Variants in NACC2 observed in about 807,000 individuals in gnomAD.
The protein encoded by NACC2 is NACC family member 2.
NACC2 carries 8 observed loss-of-function variants against 25.1 expected under a neutral mutation model. The ratio of observed to expected loss-of-function variants is 0.32; its 90% CI spans 0.19 to 0.57. The LOEUF (loss-of-function observed/expected upper bound fraction) is 0.57. Among genes scored for constraint, NACC2 ranks in the 20% least tolerant of loss-of-function variants. The pLI, the probability that NACC2 is intolerant of heterozygous loss-of-function variation, is 0.89. For missense variants in NACC2, 644 were observed against 650.2 expected (o/e 0.99, Z 0.10); for synonymous variants, 435 against 294.7 (o/e 1.48, Z -4.88).
In NACC2 at chr9:136,084,484, G is replaced by T. The variant is rs1830356896; in HGVS notation, c.-60+10705C>A. On this transcript the variant is annotated intron_variant, in intron 1 of 5. Transcript: ENST00000277554. This position sits in a 1 kb window ranked among gnomAD's most constrained non-coding sequence, Gnocchi z 5.1. ...TGCCCAAGACGCCAATCACCAGGAG[G>T]CCACAGACAAACCTACCTCGAGGGT... 6.6e-6 allele frequency among the ~76,000 whole-genome samples: 1 copy of T among 152,150 alleles called. No individual in the cohort carries two copies. The highest frequency in any genetic ancestry group is 2.1e-4 in the South Asian group (1 of 4,828).
In NACC2 at chr9:136,087,879, G is replaced by A. The variant is rs542371722; in HGVS notation, c.-60+7310C>T. The stretch of plus-strand genomic sequence containing the variant: ...GCTCGAGGGAGGGCAAGCCCTCCCC[G>A]TCCCTTGTCTGCTGCCCAAGGCCGG... On this transcript the variant is annotated intron_variant, in intron 1 of 5. Coordinates refer to ENST00000277554, the MANE Select transcript of NACC2 (RefSeq NM_144653.5). Among the ~76,000 whole-genome samples the A allele has an allele frequency of 1.5e-4, 23 of 152,276 alleles. No homozygotes were observed. In the East Asian group the frequency reaches 1.5e-3, roughly 10 times the overall value.
At chr9:136,044,359 T>C (rs1840687685) in intron 2 of NACC2, among the ~76,000 whole-genome samples, 1 of 152,040 alleles carries the variant, frequency 6.6e-6, no homozygotes, top group South Asian at 2.1e-4. Flanking sequence ...TATAAATAAT[T>C]ACAAAATTAG....
In NACC2 at chr9:136,020,208, G is replaced by A. The variant is rs1840270301; in HGVS notation, c.887-3779C>T. ...AGAAAGAACAAATGAACGAACGTCA[G>A]AAGGAGGGGGCCATGCAGGTCTGGA... On this transcript the variant is annotated intron_variant, in intron 2 of 5. Coordinates refer to ENST00000277554, the MANE Select transcript of NACC2 (RefSeq NM_144653.5). This position sits in a 1 kb window ranked among gnomAD's most constrained non-coding sequence, Gnocchi z 4.7. 6.6e-6 allele frequency among the ~76,000 whole-genome samples: 1 copy of A among 152,328 alleles called. No individual in the cohort carries two copies. The highest frequency in any genetic ancestry group is 2.1e-4 in the South Asian group (1 of 4,826).
chr9:136,034,192 G>A (rs1166208547), intron 2 of NACC2, among the ~76,000 whole-genome samples: 1 of 152,076 alleles, frequency 6.6e-6, no homozygotes. Context: ...GGCCAGCGGC[G>A]GAAAAGACCT....
intron 1 of NACC2, among the ~76,000 whole-genome samples, chr9:136,089,099 C>T (rs1264976420): frequency 6.6e-6 from 1 of 152,238 alleles, no homozygotes; most frequent in Admixed American, 6.5e-5. Flanking sequence ...CTGCCAACCA[C>T]CTGACCAGCT....
chr9:136,033,898 T>G (rs1276688447), intron 2 of NACC2, among the ~76,000 whole-genome samples: 1 of 89,602 alleles, frequency 1.1e-5, no homozygotes, highest in African/African-American at 4.4e-5. Flanking sequence ...CCAGCAGGTG[T>G]GTGTGTGTGT....
At chr9:136,065,809 T>C (rs1588577567) in intron 1 of NACC2, among the ~76,000 whole-genome samples, 1 of 115,638 alleles carries the variant, frequency 8.6e-6, no homozygotes, top group African/African-American at 3.1e-5. Flanking sequence ...AGACCCTGTC[T>C]CCAAAAAAAA....
At position 136,049,814 on chromosome 9, in the gene NACC2, G is replaced by A; in HGVS notation, c.708C>T (p.Ile236=). ...VPSLATLIPG[I]QQMPYPQGER... is the part of the protein sequence containing the mutation. ...CCCCCTGGGGGTAGGGCATCTGCTG[G>A]ATGCCGGGGATGAGGGTGGCCAGGC... is the stretch of plus-strand genomic sequence containing the variant. Residue 236 remains isoleucine, a synonymous_variant, in exon 2 of 6, where the codon ATC becomes ATT. Transcript: ENST00000277554. The A allele has an allele frequency of 1.3e-6, 1 of 740,810 alleles. No homozygotes were observed. The highest frequency in any genetic ancestry group is 2.5e-6 in the Non-Finnish European group (1 of 397,518). The allele number at this position is 740,810 out of a possible 1,614,324, so 45.9% of individuals were successfully genotyped here. A position where few individuals can be genotyped will look rare whatever the true frequency, so the allele number is the denominator to read the frequency against.
intron 2 of NACC2, among the ~76,000 whole-genome samples, chr9:136,046,039 C>T (rs941395747): frequency 1.3e-5 from 2 of 152,156 alleles, no homozygotes; most frequent in East Asian, 1.9e-4. Context: ...GGAATGAAGG[C>T]GGGTACGCGA....
rs2131137747 is a variant in NACC2 at position 136,020,171 on chromosome 9, A to G, written c.887-3742T>C. 6.6e-6 allele frequency among the ~76,000 whole-genome samples: 1 copy of G among 152,320 alleles called. No individual in the cohort carries two copies. Among genetic ancestry groups the G allele is most frequent in the South Asian group, 2.1e-4 (1 of 4,822 alleles). On this transcript the variant is annotated intron_variant, in intron 2 of 5. Transcript: ENST00000277554. The surrounding 1 kb of genome is among the most constrained non-coding windows in gnomAD (Gnocchi z 4.7). Reference sequence around the variant, plus strand: ...CCCCTCTCACGTCCACTTTACCACAATAACAACGCTCAGAAAGAACAAATG... The same window carrying G: ...CCCCTCTCACGTCCACTTTACCACAGTAACAACGCTCAGAAAGAACAAATG...
intron 2 of NACC2, among the ~76,000 whole-genome samples, chr9:136,046,221 G>C (rs1177927935): frequency 6.6e-6 from 1 of 151,808 alleles, no homozygotes; most frequent in African/African-American, 2.4e-5. Flanking sequence ...GCGGAGGCAG[G>C]CATTTCGCAA....
chr9:136,011,585 G>A lies in NACC2; in HGVS notation c.1695C>T (p.Gly565=). 7.1e-7 allele frequency: 1 copy of A among 1,401,952 alleles called. No homozygotes were observed. 86.8% of individuals were successfully genotyped at this position (1,401,952 alleles called of 1,614,324 possible). A position where few individuals can be genotyped will look rare whatever the true frequency, so the allele number is the denominator to read the frequency against. ...PPQPFEQGGG[G]PSRPQTPAAA... ...CCGCCGGCGTCTGGGGCCTGCTGGG[G>A]CCGCCCCCGCCCTGCTCAAAGGGCT... The change falls in exon 6 of 6, where the codon GGC becomes GGT. Residue 565 remains glycine (G), a synonymous_variant. Transcript: ENST00000277554.
At chr9:136,069,857 A>C (rs113522629) in intron 1 of NACC2, among the ~76,000 whole-genome samples, 10 of 152,000 alleles carry the variant, frequency 6.6e-5, no homozygotes, top group African/African-American at 2.4e-4. Flanking sequence ...ACAAACCCAC[A>C]ATTCTAGTAG....
rs545713309 is a variant in NACC2, at chr9:136,020,144, G to A, written c.887-3715C>T. ...CCACGCACGTAAAAGTCACTGCAAC[G>A]GCCCCTCTCACGTCCACTTTACCAC... On this transcript the variant is annotated intron_variant, in intron 2 of 5. Transcript: ENST00000277554. This position sits in a 1 kb window ranked among gnomAD's most constrained non-coding sequence, Gnocchi z 4.7. Among the ~76,000 whole-genome samples, 8 of 152,240 alleles carry A rather than the reference G, an allele frequency of 5.3e-5. No individual in the cohort carries two copies. The highest frequency in any genetic ancestry group is 1.9e-4 in the East Asian group (1 of 5,180).
chr9:136,060,788 C>T (rs1188482630), intron 1 of NACC2, among the ~76,000 whole-genome samples: 4 of 152,248 alleles, frequency 2.6e-5, no homozygotes, highest in East Asian at 1.9e-4. Flanking sequence ...ACCAGCCTGC[C>T]GGTCTCCAGG....
Position 136,084,646 on chromosome 9 carries a change from T to C in NACC2, c.-60+10543A>G, listed in dbSNP as rs990251714. ...CAAACAGACGCGCACGCCACGTCCA[T>C]AGCGGCAGCACCAGACAGCCAAGAG... is the stretch of plus-strand genomic sequence containing the variant. On this transcript the variant is annotated intron_variant, in intron 1 of 5. Coordinates refer to ENST00000277554, the MANE Select transcript of NACC2 (RefSeq NM_144653.5). This position sits in a 1 kb window ranked among gnomAD's most constrained non-coding sequence, Gnocchi z 5.1. Among the ~76,000 whole-genome samples, 2 of 152,284 alleles carry C rather than the reference T, an allele frequency of 1.3e-5. No homozygotes were observed. The highest frequency in any genetic ancestry group is 2.1e-4 in the South Asian group (1 of 4,824).
rs76632018 is a variant in NACC2 at position 136,086,075 on chromosome 9, G to A, written c.-60+9114C>T. 0.041 allele frequency among the ~76,000 whole-genome samples: 6,311 copies of A among 152,294 alleles called. 179 individuals carry two copies. Among genetic ancestry groups the A allele is most frequent in the East Asian group, 0.14 (709 of 5,162 alleles). ...GGGCGCCACGCAGGGCAGCTCCGAC[G>A]GGCAGGAGCCGCCTCCAGGCCCTTC... On this transcript the variant is annotated intron_variant, in intron 1 of 5. Coordinates refer to ENST00000277554, the MANE Select transcript of NACC2 (RefSeq NM_144653.5). The surrounding 1 kb of genome is among the most constrained non-coding windows in gnomAD (Gnocchi z 5.6).
In NACC2 at chr9:136,055,595, G is replaced by A. The variant is rs932780409; in HGVS notation, c.-59-5015C>T. The stretch of plus-strand genomic sequence containing the variant: ...CCAGCACAGCAAACCAGAGGAATGC[G>A]GCACTGAATTTCTGCAGGATCACCA... On this transcript the variant is annotated intron_variant, in intron 1 of 5. Coordinates refer to ENST00000277554, the MANE Select transcript of NACC2 (RefSeq NM_144653.5). The surrounding 1 kb of genome is among the most constrained non-coding windows in gnomAD (Gnocchi z 4.9). Among the ~76,000 whole-genome samples, 1 of 152,182 alleles carries A rather than the reference G, an allele frequency of 6.6e-6. No homozygotes were observed. Among genetic ancestry groups the A allele is most frequent in the African/African-American group, 2.4e-5 (1 of 41,440 alleles).
intron 1 of NACC2, among the ~76,000 whole-genome samples, chr9:136,078,667 G>A (rs1024834970): frequency 4.6e-5 from 7 of 152,224 alleles, no homozygotes; most frequent in East Asian, 3.8e-4. Flanking sequence ...AGAAAGGGGC[G>A]TGGGAATGGC....
Sources: gnomAD v4.1 joint callset for allele counts (sites outside exome capture counted in the v4.1 genomes callset) on GRCh38, gnomAD v4.1.1 for gene constraint, Gnocchi (gnomAD v3.1) non-coding constraint, MANE v1.5 for transcripts, NCBI Gene and HGNC (gene_info 2026-07-23, HGNC 2026-07-21) for gene names.